The following EXOC5 variants were observed in gnomAD, a reference collection of about 807,000 sequenced individuals.
The protein encoded by EXOC5 is exocyst complex component 5.
Under a neutral mutation model 90.8 loss-of-function variants are expected in EXOC5, and 17 were observed. The ratio of observed to expected loss-of-function variants is 0.19; its 90% CI spans 0.13 to 0.28. The LOEUF (loss-of-function observed/expected upper bound fraction) is 0.28, where lower values mean the gene tolerates loss of function less well. Among genes scored for constraint, EXOC5 ranks in the 10% least tolerant of loss-of-function variants. The pLI is 1.00. For missense variants in EXOC5, 569 were observed against 830.6 expected (o/e 0.69, Z 3.87); for synonymous variants, 260 against 270.0 (o/e 0.96, Z 0.36).
At chr14:57,236,777 C>T (rs749941187) in intron 6 of EXOC5, among the ~76,000 whole-genome samples, 1 of 151,986 alleles carries the variant, frequency 6.6e-6, no homozygotes, top group Non-Finnish European at 1.5e-5. Flanking sequence ...ACCCCAGCTA[C>T]CACAGAACCT....
chr14:57,239,679 A>G lies in EXOC5; in HGVS notation c.466-20T>C. 4 of 1,460,858 alleles carry G rather than the reference A, an allele frequency of 2.7e-6. No homozygotes were observed. The highest frequency in any genetic ancestry group is 3.7e-6 in the Non-Finnish European group (4 of 1,087,902). The allele number at this position is 1,460,858 out of a possible 1,614,324, so 90.5% of individuals were successfully genotyped here. A position where few individuals can be genotyped will look rare whatever the true frequency, so the allele number is the denominator to read the frequency against. ...CTTTATCTATGAAAAAATAAATAAA[A>G]GCAATAATTTAAAAAACTTTTAGGC... is the stretch of plus-strand genomic sequence containing the variant. On this transcript the variant is annotated intron_variant, in intron 4 of 17. Coordinates refer to ENST00000621441, the MANE Select transcript of EXOC5 (RefSeq NM_006544.4).
Position 57,219,425 on chromosome 14 carries a change from A to C in EXOC5, c.1423T>G (p.Ser475Ala). 1 of 1,572,872 alleles carries C rather than the reference A, an allele frequency of 6.4e-7. No homozygotes were observed. The highest frequency in any genetic ancestry group is 1.2e-5 in the South Asian group (1 of 83,444). The change falls in exon 14 of 18, where the codon TCT (serine) becomes GCT (alanine). Residue 475 changes from serine to alanine, a missense_variant. Physicochemically the swap from Ser to Ala is moderately conservative, Grantham distance 99. Coordinates refer to ENST00000621441, the MANE Select transcript of EXOC5 (RefSeq NM_006544.4). ...AAAAAATAAAGATTTGCATTCCTAG[A>C]ATCTGAAGAGGGAATTCCTAAAACC... ...TGLAGIPSSD[S>A]RNANLYFLDV...
At chr14:57,253,941 T>C (rs1000845742) in intron 1 of EXOC5, among the ~76,000 whole-genome samples, 3 of 152,100 alleles carry the variant, frequency 2.0e-5, no homozygotes, top group African/African-American at 7.2e-5. Flanking sequence ...GATTTGGCAA[T>C]GATTTCTTGA....
At chr14:57,256,432 T>C (rs1366326797) in intron 1 of EXOC5, among the ~76,000 whole-genome samples, 2 of 152,098 alleles carry the variant, frequency 1.3e-5, no homozygotes, top group Non-Finnish European at 2.9e-5. Context: ...AGACAGTGAA[T>C]ATCAGTTGCA....
At chr14:57,247,500 C>A in intron 2 of EXOC5, 118 bp downstream of exon 2, 1 of 475,972 alleles carries the variant, frequency 2.1e-6, no homozygotes, top group South Asian at 5.4e-5. Flanking sequence ...TTTTATTGGC[C>A]AAATGTTAAC....
At chr14:57,236,567 C>T (rs1161550419) in intron 6 of EXOC5, among the ~76,000 whole-genome samples, 5 of 151,930 alleles carry the variant, frequency 3.3e-5, no homozygotes, top group Non-Finnish European at 5.9e-5. Context: ...ATTACAGGTG[C>T]GAACCACCAT....
Position 57,229,886 on chromosome 14 carries a change from T to C in EXOC5, c.1149-5A>G, listed in dbSNP as rs1198962004. On this transcript the variant is annotated splice_region_variant and splice_polypyrimidine_tract_variant and intron_variant, in intron 11 of 17. Transcript: ENST00000621441. ...CTTTCCTTCAAATCTTGAATACTAGTACATCATAAAGACAAATGAAAAAAA... is the reference window on the plus strand; with the variant it reads ...CTTTCCTTCAAATCTTGAATACTAGCACATCATAAAGACAAATGAAAAAAA... The C allele has an allele frequency of 7.2e-7, 1 of 1,388,020 alleles. No individual in the cohort carries two copies. Among genetic ancestry groups the C allele is most frequent in the Non-Finnish European group, 9.6e-7 (1 of 1,044,198 alleles). The allele number at this position is 1,388,020 out of a possible 1,614,324, so 86.0% of individuals were successfully genotyped here. A position where few individuals can be genotyped will look rare whatever the true frequency, so the allele number is the denominator to read the frequency against.
chr14:57,242,162 AAAAC>A (rs1330095844), intron 4 of EXOC5, among the ~76,000 whole-genome samples: 4 of 151,744 alleles, frequency 2.6e-5, no homozygotes, highest in Non-Finnish European at 5.9e-5. Flanking sequence ...AAAAGAAAAA[AAAAC>A]AAAACCAACA....
intron 15 of EXOC5, among the ~76,000 whole-genome samples, chr14:57,211,359 T>A (rs1283634856): frequency 6.6e-6 from 1 of 152,192 alleles, no homozygotes; most frequent in Admixed American, 6.5e-5. Flanking sequence ...GGACTCTAAA[T>A]GTATTATTTT....
rs1329826457 is a variant in EXOC5, at chr14:57,203,774, T to C, written c.*4835A>G. 5 of 152,708 alleles carry C rather than the reference T, an allele frequency of 3.3e-5. No homozygotes were observed. The East Asian group carries it at 7.7e-4, about 24-fold the overall frequency. 9.5% of individuals were successfully genotyped at this position (152,708 alleles called of 1,614,324 possible). On this transcript the variant is annotated 3_prime_UTR_variant, in exon 18 of 18. Transcript: ENST00000621441. ...ATACTGTCTCTTAAACACAGTAATA[T>C]AAATATTAGTATCTTGGCTAAAATG...
intron 1 of EXOC5, among the ~76,000 whole-genome samples, chr14:57,266,919 T>C (rs899419318): frequency 1.3e-5 from 2 of 151,778 alleles, no homozygotes; most frequent in African/African-American, 4.8e-5. Context: ...AATAAAAATA[T>C]ACATAAGATG....
chr14:57,214,843 G>T (rs1320730342), intron 15 of EXOC5, among the ~76,000 whole-genome samples: 1 of 152,156 alleles, frequency 6.6e-6, no homozygotes, highest in Non-Finnish European at 1.5e-5. Flanking sequence ...TAATAGATTG[G>T]CATAAGATGA....
chr14:57,227,856 T>C (rs1883355244), intron 12 of EXOC5, among the ~76,000 whole-genome samples: 3 of 151,968 alleles, frequency 2.0e-5, no homozygotes, highest in African/African-American at 7.2e-5. Flanking sequence ...ATCCACTACC[T>C]AAAAGCCAAG....
chr14:57,259,373 A>G (rs1884435346), intron 1 of EXOC5, among the ~76,000 whole-genome samples: 1 of 152,226 alleles, frequency 6.6e-6, no homozygotes. Context: ...TGCTCGGATT[A>G]CAGGTGTGAG....
intron 1 of EXOC5, among the ~76,000 whole-genome samples, chr14:57,251,209 G>C (rs1884180861): frequency 6.6e-6 from 1 of 152,188 alleles, no homozygotes; most frequent in South Asian, 2.1e-4. Context: ...CCCTAGCCCT[G>C]TGGCAGAGTG....
chr14:57,228,000 A>T (rs1049469964), intron 12 of EXOC5, among the ~76,000 whole-genome samples: 6 of 147,220 alleles, frequency 4.1e-5, no homozygotes, highest in Non-Finnish European at 3.0e-5. Flanking sequence ...TACAAACAAG[A>T]TATATATACA....
In EXOC5 at chr14:57,265,451, G is replaced by A. The variant is rs144457190; in HGVS notation, c.27+3171C>T. Among the ~76,000 whole-genome samples the A allele has an allele frequency of 7.9e-3, 1,196 of 152,226 alleles. 21 individuals are homozygous for A. The highest frequency in any genetic ancestry group is 0.027 in the African/African-American group (1,112 of 41,540). On this transcript the variant is annotated intron_variant, in intron 1 of 17. Transcript: ENST00000621441. ...AACATAAAAAGAACTGGCGGGGCAC[G>A]GTGGCTCACACCTGTAATCCCAGCA...
chr14:57,239,433 G>T (rs555075258), intron 5 of EXOC5, 162 bp downstream of exon 5: 4 of 523,116 alleles, frequency 7.6e-6, no homozygotes, highest in African/African-American at 2.0e-5. Context: ...ATTTTACACT[G>T]CATCTTGTAC....
chr14:57,225,836 T>G (rs1410700798), intron 12 of EXOC5, among the ~76,000 whole-genome samples: 2 of 152,202 alleles, frequency 1.3e-5, no homozygotes, highest in Non-Finnish European at 2.9e-5. Context: ...TTATGTACAG[T>G]GGTTCTGTCC....
Sources: allele counts gnomAD v4.1 joint callset (sites outside exome capture counted in the v4.1 genomes callset), GRCh38; gene constraint gnomAD v4.1.1; transcripts MANE v1.5; gene names NCBI Gene and HGNC (gene_info 2026-07-23, HGNC 2026-07-21).